HHAT: variants seen among roughly 807,000 people sequenced by gnomAD.
HHAT encodes protein-cysteine N-palmitoyltransferase HHAT.
A neutral mutation model predicts 70.8 loss-of-function variants in HHAT; 47 were observed. The observed-to-expected ratio is 0.66, with a 90% CI of 0.53 to 0.85. The LOEUF (loss-of-function observed/expected upper bound fraction) is 0.85. HHAT is among the 40% of genes least tolerant of loss of function. HHAT has a pLI of 0.00. For missense variants in HHAT, 609 were observed against 604.8 expected, an observed-to-expected ratio of 1.01 and a Z score of -0.07; for synonymous variants, 228 against 247.6, an observed-to-expected ratio of 0.92 and a Z score of 0.74.
chr1:210,590,451 G>T (rs1332454127), intron 10 of HHAT: 1 of 141,592 alleles, frequency 7.1e-6, no homozygotes, highest in South Asian at 2.3e-4. Context: ...TAGGGATGAC[G>T]GTAAAGAAAT....
At chr1:210,586,693 T>C (rs1466681149) in intron 9 of HHAT, among the ~76,000 whole-genome samples, 1 of 152,146 alleles carries the variant, frequency 6.6e-6, no homozygotes, top group Non-Finnish European at 1.5e-5. Flanking sequence ...GATTTTTTCA[T>C]TTTCCTTCCT....
intron 9 of HHAT, among the ~76,000 whole-genome samples, chr1:210,531,448 G>A (rs928477464): frequency 6.6e-6 from 1 of 152,176 alleles, no homozygotes; most frequent in Non-Finnish European, 1.5e-5. Context: ...GAGGAACCCA[G>A]GCAGAGGACT....
chr1:210,434,634 A>C (rs1445131553), intron 7 of HHAT, among the ~76,000 whole-genome samples: 2 of 151,266 alleles, frequency 1.3e-5, no homozygotes, highest in Non-Finnish European at 2.9e-5. Context: ...GGCTCAAGGG[A>C]GTGTCCACAT....
intron 11 of HHAT, among the ~76,000 whole-genome samples, chr1:210,628,370 G>A (rs934768180): frequency 1.3e-5 from 2 of 152,136 alleles, no homozygotes; most frequent in Non-Finnish European, 2.9e-5. Flanking sequence ...AAGTGGTGGG[G>A]CCTGGATCAC....
chr1:210,454,488 A>G (rs2093821309), intron 7 of HHAT, among the ~76,000 whole-genome samples: 2 of 152,114 alleles, frequency 1.3e-5, no homozygotes. Flanking sequence ...TGGGAGGTGG[A>G]GCTTGCAGTA....
At chr1:210,591,536 G>A (rs920593191) in intron 10 of HHAT, among the ~76,000 whole-genome samples, 5 of 152,014 alleles carry the variant, frequency 3.3e-5, no homozygotes, top group Admixed American at 1.3e-4. Context: ...TTAATTTACC[G>A]ATTTCCTTTC....
At chr1:210,549,124 T>TGCTTTCCCCCTTCATTATTCAAGATA (rs1553266974) in intron 9 of HHAT, among the ~76,000 whole-genome samples, 1 of 150,548 alleles carries the variant, frequency 6.6e-6, no homozygotes, top group African/African-American at 2.4e-5. Flanking sequence ...AAAATTGGGA[T>TGCTTTCCCCCTTCATTATTCAAGATA]AATAACGGCA....
At chr1:210,600,844 A>G (rs1385959893) in intron 10 of HHAT, among the ~76,000 whole-genome samples, 1 of 152,110 alleles carries the variant, frequency 6.6e-6, no homozygotes, top group African/African-American at 2.4e-5. Flanking sequence ...TCCTACCCAA[A>G]GAAGAGTCTA....
At chr1:210,420,983 A>C (rs1261597565) in intron 7 of HHAT, among the ~76,000 whole-genome samples, 2 of 152,186 alleles carry the variant, frequency 1.3e-5, no homozygotes, top group Non-Finnish European at 2.9e-5. Context: ...ATTATTTTTT[A>C]ATTTGGCGAA....
intron 1 of HHAT, among the ~76,000 whole-genome samples, chr1:210,330,379 GTGT>G (rs1378759506): frequency 2.0e-5 from 3 of 152,312 alleles, no homozygotes; most frequent in East Asian, 1.9e-4. Context: ...GGAAAGATAA[GTGT>G]TGTTATCTCT....
upstream of HHAT, chr1:210,328,127 C>A (rs940264818): frequency 6.6e-6 from 1 of 152,202 alleles, no homozygotes; most frequent in Non-Finnish European, 1.5e-5. Context: ...CATAGAACCA[C>A]CTGAGACGCC....
At chr1:210,345,854 T>G (rs959240256) in intron 1 of HHAT, among the ~76,000 whole-genome samples, 12 of 151,980 alleles carry the variant, frequency 7.9e-5, no homozygotes, top group African/African-American at 2.9e-4. Flanking sequence ...GAGGCCACGG[T>G]GGGCGGATCT....
chr1:210,497,861 G>T (rs1208857744), intron 8 of HHAT, among the ~76,000 whole-genome samples: 2 of 151,838 alleles, frequency 1.3e-5, no homozygotes, highest in Non-Finnish European at 2.9e-5. Context: ...CACCTCCCTG[G>T]TTCAAGCAAT....
chr1:210,522,382 G>T (rs991850465), intron 9 of HHAT, among the ~76,000 whole-genome samples: 1 of 152,130 alleles, frequency 6.6e-6, no homozygotes, highest in African/African-American at 2.4e-5. Flanking sequence ...TGGTGTTCTT[G>T]TACTAAAGTG....
chr1:210,616,482 G>T (rs1368389647), intron 10 of HHAT, among the ~76,000 whole-genome samples: 1 of 152,118 alleles, frequency 6.6e-6, no homozygotes, highest in Non-Finnish European at 1.5e-5. Flanking sequence ...AAAAATTCCA[G>T]TGTCACTGTA....
chr1:210,340,250 A>AGGG (rs1558310397), intron 1 of HHAT, among the ~76,000 whole-genome samples: 7 of 138,332 alleles, frequency 5.1e-5, no homozygotes, highest in African/African-American at 1.7e-4. Flanking sequence ...CAGAAAAAAA[A>AGGG]AAAAAAAAAA....
At chr1:210,361,752 G>A (rs2088340212) in intron 2 of HHAT, among the ~76,000 whole-genome samples, 1 of 151,930 alleles carries the variant, frequency 6.6e-6, no homozygotes, top group African/African-American at 2.4e-5. Context: ...TTTTTGGGGG[G>A]GAATCTCAGC....
chr1:210,397,552 C>T (rs2091857825), intron 4 of HHAT, among the ~76,000 whole-genome samples: 1 of 86,010 alleles, frequency 1.2e-5, no homozygotes, highest in Non-Finnish European at 2.4e-5. Flanking sequence ...CAAAATGCAA[C>T]ACAATTTTTT....
chr1:210,381,693 A>T (rs2090648922), intron 3 of HHAT, among the ~76,000 whole-genome samples: 1 of 152,240 alleles, frequency 6.6e-6, no homozygotes, highest in African/African-American at 2.4e-5. Flanking sequence ...TAGACATAAT[A>T]AAACAGTGCT....
Sources: gnomAD v4.1 joint callset for allele counts (sites outside exome capture counted in the v4.1 genomes callset) on GRCh38, gnomAD v4.1.1 for gene constraint, MANE v1.5 for transcripts, NCBI Gene and HGNC (gene_info 2026-07-23, HGNC 2026-07-21) for gene names.